The following FGFR1 variants were observed in gnomAD, a reference collection of about 807,000 sequenced individuals.
FGFR1 encodes the protein FGFR1/PLAG1 fusion.
Under a neutral mutation model 93.7 loss-of-function variants are expected in FGFR1, and 18 were observed. The ratio of observed to expected loss-of-function variants is 0.19; its 90% CI spans 0.13 to 0.28. The LOEUF is 0.28. Among genes scored for constraint, FGFR1 ranks in the 10% least tolerant of loss-of-function variants. The probability of loss-of-function intolerance (pLI) is 1.00; values close to 1 mark genes in which losing one functional copy is unlikely to be tolerated. For synonymous variants in FGFR1, 448 were observed against 429.3 expected, an observed-to-expected ratio of 1.04 and a Z score of -0.54; for missense variants, 731 against 1,080.4, an observed-to-expected ratio of 0.68 and a Z score of 4.53.
rs1421819607 is a variant in FGFR1, at chr8:38,425,592, C to T, written c.745+530G>A. On this transcript the variant is annotated intron_variant, in intron 6 of 17. Transcript: ENST00000447712. ...CAGAACTCCTAGAAGGAAAAGGTTGCGGTAATAGCTCCAAGAGGCTCAATG... is the reference window on the plus strand; with the variant it reads ...CAGAACTCCTAGAAGGAAAAGGTTGTGGTAATAGCTCCAAGAGGCTCAATG... Among the ~76,000 whole-genome samples the T allele has an allele frequency of 3.3e-5, 5 of 152,284 alleles. 1 individual carries two copies. The highest frequency in any genetic ancestry group is 4.1e-4 in the South Asian group (2 of 4,824).
intron 2 of FGFR1, chr8:38,434,791 A>C (rs1824674029): frequency 6.5e-6 from 1 of 154,326 alleles, no homozygotes; most frequent in Non-Finnish European, 1.4e-5. Context: ...GCGATGAGTG[A>C]GGAGCAGGAA....
chr8:38,421,239 A>G (rs889082857), intron 8 of FGFR1, among the ~76,000 whole-genome samples: 21 of 152,182 alleles, frequency 1.4e-4, no homozygotes, highest in Non-Finnish European at 2.6e-4. Flanking sequence ...ATACATGGAC[A>G]TCGTGAAGCC....
chr8:38,453,777 A>G (rs957398749), intron 2 of FGFR1, among the ~76,000 whole-genome samples: 3 of 152,164 alleles, frequency 2.0e-5, no homozygotes, highest in African/African-American at 7.2e-5. Context: ...CTGTAATTCC[A>G]GCTACTTAGG....
Position 38,424,165 on chromosome 8 carries a change from C to A in FGFR1, c.936+344G>T. 1 of 445,020 alleles carries A rather than the reference C, an allele frequency of 2.2e-6. No homozygotes were observed. The highest frequency in any genetic ancestry group is 4.8e-5 in the East Asian group (1 of 20,854). 27.6% of individuals were successfully genotyped at this position (445,020 alleles called of 1,614,324 possible). A position where few individuals can be genotyped will look rare whatever the true frequency, so the allele number is the denominator to read the frequency against. On this transcript the variant is annotated intron_variant, in intron 7 of 17. Transcript: ENST00000447712. The surrounding 1 kb of genome is among the most constrained non-coding windows in gnomAD (Gnocchi z 4.3). Reference sequence around the variant, plus strand: ...GACACAGGGCTAAGACTGGGAAACGCTTGGTGGAAAGGCTCTGGTTTCGGG... The same window carrying A: ...GACACAGGGCTAAGACTGGGAAACGATTGGTGGAAAGGCTCTGGTTTCGGG...
chr8:38,450,390 C>T (rs1199472080), intron 2 of FGFR1, among the ~76,000 whole-genome samples: 2 of 152,138 alleles, frequency 1.3e-5, no homozygotes, highest in African/African-American at 4.8e-5. Context: ...TGAGCTGGAG[C>T]CCCCAGTGGC....
rs773142874 is a variant in FGFR1 at position 38,421,834 on chromosome 8, T to G, written c.1044A>C (p.Gly348=). The G allele has an allele frequency of 4.3e-6, 7 of 1,612,926 alleles. No individual in the cohort carries two copies. The African/African-American group carries it at 9.4e-5, about 22-fold the overall frequency. ...TCAACCATGCAGAGTGATGGGAGAG[T>G]CCGATAGAGTTACCCGCCAAGCACG... ...EYTCLAGNSI[G]LSHHSAWLTV... Residue 348 remains glycine, a synonymous_variant, in exon 8 of 18, where the codon GGA becomes GGC. Coordinates refer to ENST00000447712, the MANE Select transcript of FGFR1 (RefSeq NM_023110.3).
rs768329777 is a variant in FGFR1, at chr8:38,413,846, C to T, written c.2293-42G>A. 6.2e-6 allele frequency: 10 copies of T among 1,613,628 alleles called. No homozygotes were observed. The Admixed American group carries it at 1.7e-4, about 27-fold the overall frequency. ...GAAGCAGCGATGGGCCGGGCCCCTC[C>T]TCCCTGCTCAGGGAGGTGCGTGCAC... On this transcript the variant is annotated intron_variant, in intron 17 of 17. Transcript: ENST00000447712. This position sits in a 1 kb window ranked among gnomAD's most constrained non-coding sequence, Gnocchi z 4.2.
rs17175912 is a variant in FGFR1, at chr8:38,427,683, T to C, written c.621+238A>G. Among the ~76,000 whole-genome samples the C allele has an allele frequency of 8.5e-5, 13 of 152,310 alleles. No homozygotes were observed. In the East Asian group the frequency reaches 2.1e-3, roughly 25 times the overall value. On this transcript the variant is annotated intron_variant, in intron 5 of 17. Transcript: ENST00000447712. ...TCAGGAAAAGACTCATGTTAACAAA[T>C]GACAAGGCAAGGAAATTACATACAT...
intron 11 of FGFR1, 79 bp from the exon 12 acceptor site, chr8:38,417,495 C>T (rs769888428): frequency 1.3e-5 from 16 of 1,205,106 alleles, no homozygotes; most frequent in East Asian, 2.3e-5. Context: ...GGGTATGTGT[C>T]GAGGGGCTGC....
chr8:38,463,546 C>G (rs1014726341), intron 1 of FGFR1: 1 of 225,176 alleles, frequency 4.4e-6, no homozygotes, highest in African/African-American at 2.2e-5. Context: ...CTAACACCCT[C>G]GGCACCTAGC....
In FGFR1 at chr8:38,426,192, C is replaced by G; in HGVS notation, c.675G>C (p.Lys225Asn). Residue 225 changes from lysine to asparagine, a missense_variant, in exon 6 of 18, where the codon AAG becomes AAC. Coordinates refer to ENST00000447712, the MANE Select transcript of FGFR1 (RefSeq NM_023110.3). The surrounding 1 kb of genome is among the most constrained non-coding windows in gnomAD (Gnocchi z 4.1). Reference sequence around the variant, plus strand: ...TCTCCACAATGCAGGTGTAGTTGCCCTTGTCAGAGGGCACCACAGAGTCCA... The same window carrying G: ...TCTCCACAATGCAGGTGTAGTTGCCGTTGTCAGAGGGCACCACAGAGTCCA... ...IIMDSVVPSDKGNYTCIVENE... is the reference protein window; with the variant it reads ...IIMDSVVPSDNGNYTCIVENE... The G allele has an allele frequency of 6.2e-7, 1 of 1,614,170 alleles. No individual in the cohort carries two copies. The highest frequency in any genetic ancestry group is 8.5e-7 in the Non-Finnish European group (1 of 1,180,026).
chr8:38,436,822 T>C (rs1388893496), intron 2 of FGFR1, among the ~76,000 whole-genome samples: 1 of 152,176 alleles, frequency 6.6e-6, no homozygotes, highest in African/African-American at 2.4e-5. Flanking sequence ...TGAATCCCTC[T>C]TCCCTTCCTA....
chr8:38,466,775 C>T (rs2151490428), intron 1 of FGFR1: 1 of 189,334 alleles, frequency 5.3e-6, no homozygotes, highest in Non-Finnish European at 1.0e-5. Context: ...GAACCAGATG[C>T]GGCTGCTACA....
At chr8:38,464,513 T>A (rs1226592802) in intron 1 of FGFR1, among the ~76,000 whole-genome samples, 1 of 152,030 alleles carries the variant, frequency 6.6e-6, no homozygotes, top group Admixed American at 6.6e-5. Flanking sequence ...AGATAAATGG[T>A]GGCGAGGAGA....
chr8:38,453,578 A>C (rs942486901), intron 2 of FGFR1, among the ~76,000 whole-genome samples: 1 of 152,178 alleles, frequency 6.6e-6, no homozygotes, highest in Non-Finnish European at 1.5e-5. Context: ...CAGCAGTCTT[A>C]TTACAATAGC....
At chr8:38,443,045 A>G (rs189531445) in intron 2 of FGFR1, among the ~76,000 whole-genome samples, 1 of 152,356 alleles carries the variant, frequency 6.6e-6, no homozygotes, top group African/African-American at 2.4e-5. Flanking sequence ...ACAATAAAAC[A>G]TCCTTTGAAA....
intron 1 of FGFR1, among the ~76,000 whole-genome samples, chr8:38,459,800 A>G (rs1297965027): frequency 6.6e-6 from 1 of 152,106 alleles, no homozygotes. Flanking sequence ...TCTGATGCAA[A>G]CTCAATTTAT....
chr8:38,458,035 C>T (rs570525470), intron 1 of FGFR1, among the ~76,000 whole-genome samples: 6 of 152,058 alleles, frequency 3.9e-5, no homozygotes, highest in Non-Finnish European at 8.8e-5. Context: ...TAGTTCAATT[C>T]TACAGCTATG....
intron 2 of FGFR1, among the ~76,000 whole-genome samples, chr8:38,436,441 C>A (rs936378589): frequency 1.3e-5 from 2 of 152,074 alleles, no homozygotes; most frequent in African/African-American, 4.8e-5. Flanking sequence ...AATGGAGTCA[C>A]CGTTCTCATC....
Sources: allele counts gnomAD v4.1 joint callset (sites outside exome capture counted in the v4.1 genomes callset), GRCh38; gene constraint gnomAD v4.1.1; non-coding constraint Gnocchi (gnomAD v3.1); transcripts MANE v1.5; gene names NCBI Gene and HGNC (gene_info 2026-07-23, HGNC 2026-07-21).